Variants in ST13 observed in about 807,000 individuals in gnomAD.
ST13 encodes hsc70-interacting protein.
Under a neutral mutation model 56.7 loss-of-function variants are expected in ST13, and 23 were observed. That is an observed-to-expected ratio of 0.41 (90% CI 0.29 to 0.57). The LOEUF (loss-of-function observed/expected upper bound fraction) is 0.57. Ranked by LOEUF, ST13 falls within the 20% of genes least tolerant of loss-of-function variation. The pLI is 0.36. For missense variants in ST13, 369 were observed against 459.9 expected (o/e 0.80, Z 1.81); for synonymous variants, 132 against 142.4 (o/e 0.93, Z 0.52).
At chr22:40,846,689 A>G (rs1277631186) in intron 3 of ST13, among the ~76,000 whole-genome samples, 1 of 152,192 alleles carries the variant, frequency 6.6e-6, no homozygotes. Flanking sequence ...ACCTCTAATG[A>G]TATCAAAGAT....
chr22:40,848,345 CCTT>C lies in ST13; in HGVS notation c.190_192del (p.Lys64del), dbSNP rs1569004706. 1.2e-6 allele frequency: 2 copies of C among 1,612,994 alleles called. No individual in the cohort carries two copies. The highest frequency in any genetic ancestry group is 1.7e-6 in the Non-Finnish European group (2 of 1,179,438). ...TCGTCTGCCTTTAAGTCTTCCTCCA[CCTT>C]CTTACTATCAGGTTTTTCTTCCTAG... On this transcript the variant is annotated inframe_deletion, in exon 3 of 12. Transcript: ENST00000216218.
chr22:40,824,975 T>A lies in ST13; in HGVS notation c.*1563A>T, dbSNP rs1258804613. 6.6e-6 allele frequency: 1 copy of A among 152,176 alleles called. No homozygotes were observed. Among genetic ancestry groups the A allele is most frequent in the Non-Finnish European group, 1.5e-5 (1 of 68,026 alleles). The allele number at this position is 152,176 out of a possible 1,614,324, so 9.4% of individuals were successfully genotyped here. ...TACTCCATAGAATTTACTTCACTGC[T>A]CCTACCACTGATTCTTCAAATAAGC... is the stretch of plus-strand genomic sequence containing the variant. On this transcript the variant is annotated 3_prime_UTR_variant, in exon 12 of 12. Coordinates refer to ENST00000216218, the MANE Select transcript of ST13 (RefSeq NM_003932.5).
intron 7 of ST13, 99 bp downstream of exon 7, chr22:40,835,461 A>C: frequency 1.0e-6 from 1 of 1,003,136 alleles, no homozygotes; most frequent in Non-Finnish European, 1.5e-6. Context: ...TTGAAAATTA[A>C]GTCATTAGGA....
chr22:40,839,438 C>T (rs1410709670), intron 5 of ST13, among the ~76,000 whole-genome samples: 3 of 152,166 alleles, frequency 2.0e-5, no homozygotes, highest in African/African-American at 7.2e-5. Flanking sequence ...ATGATTTGTT[C>T]TTACAAATTA....
intron 5 of ST13, among the ~76,000 whole-genome samples, chr22:40,837,600 C>T (rs2057784084): frequency 6.6e-6 from 1 of 152,108 alleles, no homozygotes; most frequent in African/African-American, 2.4e-5. Flanking sequence ...GAGCCAAGAT[C>T]GTGCCATTGC....
intron 3 of ST13, among the ~76,000 whole-genome samples, chr22:40,845,719 TTA>T (rs1008175680): frequency 1.3e-4 from 19 of 148,426 alleles, no homozygotes; most frequent in African/African-American, 4.2e-4. Context: ...AAAACGAGTT[TTA>T]TATATATATA....
chr22:40,838,134 A>G (rs560545731), intron 5 of ST13, among the ~76,000 whole-genome samples: 13 of 152,272 alleles, frequency 8.5e-5, no homozygotes, highest in African/African-American at 3.1e-4. Context: ...TAACTACTCA[A>G]TGATGCTGTT....
chr22:40,845,719 T>TTATA (rs1008175680), intron 3 of ST13, among the ~76,000 whole-genome samples: 3 of 148,426 alleles, frequency 2.0e-5, no homozygotes, highest in African/African-American at 5.3e-5. Flanking sequence ...AAAACGAGTT[T>TTATA]TATATATATA....
chr22:40,853,084 A>C (rs1022707546), intron 1 of ST13, among the ~76,000 whole-genome samples: 1 of 152,210 alleles, frequency 6.6e-6, no homozygotes, highest in African/African-American at 2.4e-5. Context: ...AGATCATGAA[A>C]GTCAAGGAAA....
At chr22:40,830,711 T>C (rs2057749836) in intron 9 of ST13, 129 bp downstream of exon 9, 2 of 489,816 alleles carry the variant, frequency 4.1e-6, no homozygotes, top group Admixed American at 6.5e-5. Flanking sequence ...TCCCCATAAG[T>C]AATATCATTA....
intron 2 of ST13, among the ~76,000 whole-genome samples, chr22:40,848,674 C>T (rs1024958807): frequency 6.6e-6 from 1 of 151,962 alleles, no homozygotes; most frequent in African/African-American, 2.4e-5. Flanking sequence ...ACCTGGGAGG[C>T]GGAGGTGGCA....
chr22:40,843,073 T>C (rs763442078), intron 4 of ST13, among the ~76,000 whole-genome samples: 13 of 152,124 alleles, frequency 8.5e-5, no homozygotes, highest in Non-Finnish European at 1.5e-4. Flanking sequence ...TGAGCTATGA[T>C]TGTACCACTA....
At chr22:40,851,270 G>C (rs757639293) in intron 1 of ST13, among the ~76,000 whole-genome samples, 2 of 152,154 alleles carry the variant, frequency 1.3e-5, no homozygotes, top group Non-Finnish European at 2.9e-5. Flanking sequence ...TGAAATAAGA[G>C]TTCAATTAAA....
chr22:40,849,141 T>C (rs184076437), intron 2 of ST13, among the ~76,000 whole-genome samples: 27 of 152,270 alleles, frequency 1.8e-4, no homozygotes, highest in Admixed American at 1.4e-3. Flanking sequence ...CACTCAACCA[T>C]ATATTGTTAA....
intron 10 of ST13, among the ~76,000 whole-genome samples, chr22:40,828,928 C>G (rs2057741450): frequency 6.6e-6 from 1 of 152,190 alleles, no homozygotes; most frequent in Non-Finnish European, 1.5e-5. Context: ...AGAAAATTCT[C>G]TCTAGTACTA....
intron 3 of ST13, 100 bp from the exon 4 acceptor site, chr22:40,845,009 ATTATT>A (rs1406836744): frequency 2.1e-5 from 16 of 767,758 alleles, no homozygotes; most frequent in Non-Finnish European, 2.9e-5. Context: ...ACTACAATTA[ATTATT>A]TTAAGTATTG....
chr22:40,825,702 A>G lies in ST13; in HGVS notation c.*836T>C, dbSNP rs2057724437. On this transcript the variant is annotated 3_prime_UTR_variant, in exon 12 of 12. Coordinates refer to ENST00000216218, the MANE Select transcript of ST13 (RefSeq NM_003932.5). ...AGTAAGGGAGACAAATGTAGCAAGCAGAAAGCAAACACAGATTTGGGCAAT... is the reference window on the plus strand; with the variant it reads ...AGTAAGGGAGACAAATGTAGCAAGCGGAAAGCAAACACAGATTTGGGCAAT... 1 of 152,168 alleles carries G rather than the reference A, an allele frequency of 6.6e-6. No individual in the cohort carries two copies. Among genetic ancestry groups the G allele is most frequent in the African/African-American group, 2.4e-5 (1 of 41,442 alleles). 9.4% of individuals were successfully genotyped at this position (152,168 alleles called of 1,614,324 possible).
chr22:40,825,616 G>A lies in ST13; in HGVS notation c.*922C>T, dbSNP rs548670420. On this transcript the variant is annotated 3_prime_UTR_variant, in exon 12 of 12. Transcript: ENST00000216218. The stretch of plus-strand genomic sequence containing the variant: ...GCATTAAATATGCTTGTATAATTAC[G>A]CTGTTAATGATGATAGCAGTGATGA... The A allele has an allele frequency of 5.9e-5, 9 of 152,126 alleles. No homozygotes were observed. The highest frequency in any genetic ancestry group is 7.3e-5 in the Non-Finnish European group (5 of 68,032). The allele number at this position is 152,126 out of a possible 1,614,324, so 9.4% of individuals were successfully genotyped here.
intron 7 of ST13, 187 bp downstream of exon 7, chr22:40,835,367 TTTTAAA>T (rs1453255850): frequency 2.2e-6 from 1 of 461,648 alleles, no homozygotes; most frequent in Admixed American, 3.8e-5. Flanking sequence ...TCACTTCTTC[TTTTAAA>T]TTTCTTTTTT....
Sources: gnomAD v4.1 joint callset for allele counts (sites outside exome capture counted in the v4.1 genomes callset) on GRCh38, gnomAD v4.1.1 for gene constraint, MANE v1.5 for transcripts, NCBI Gene and HGNC (gene_info 2026-07-23, HGNC 2026-07-21) for gene names.